GSG1L: variants seen among roughly 807,000 people sequenced by gnomAD.
GSG1L encodes the protein germ cell-specific gene 1-like protein.
GSG1L carries 24 observed loss-of-function variants against 42.1 expected under a neutral mutation model. The ratio of observed to expected loss-of-function variants is 0.57; its 90% CI spans 0.41 to 0.80. GSG1L has a LOEUF of 0.80. GSG1L is among the 30% of genes least tolerant of loss of function. The probability of loss-of-function intolerance (pLI) is 0.00; values close to 1 mark genes in which losing one functional copy is unlikely to be tolerated. For synonymous variants in GSG1L, 215 were observed against 203.5 expected, an observed-to-expected ratio of 1.06 and a Z score of -0.48; for missense variants, 445 against 472.2, an observed-to-expected ratio of 0.94 and a Z score of 0.53.
intron 1 of GSG1L, among the ~76,000 whole-genome samples, chr16:27,980,901 C>CAAAAAAA (rs11390148): frequency 1.3e-4 from 16 of 126,988 alleles, no homozygotes; most frequent in East Asian, 4.8e-4. Flanking sequence ...AACCAAAAAA[C>CAAAAAAA]AAAAAAAAAA....
At chr16:27,859,256 T>C (rs1033030338) in intron 3 of GSG1L, among the ~76,000 whole-genome samples, 9 of 152,198 alleles carry the variant, frequency 5.9e-5, no homozygotes, top group Non-Finnish European at 8.8e-5. Flanking sequence ...ACACTTCCCA[T>C]GATAGTGTCT....
chr16:28,016,581 G>T (rs1164437161), intron 1 of GSG1L, among the ~76,000 whole-genome samples: 1 of 152,158 alleles, frequency 6.6e-6, no homozygotes, highest in Non-Finnish European at 1.5e-5. Flanking sequence ...CGACTTTACA[G>T]ATCATGAGGT....
At chr16:27,796,735 A>T (rs1181876965) in intron 6 of GSG1L, among the ~76,000 whole-genome samples, 1 of 152,142 alleles carries the variant, frequency 6.6e-6, no homozygotes, top group Non-Finnish European at 1.5e-5. Context: ...ATCCTCAGGG[A>T]TTCCACGTTT....
At chr16:27,868,453 C>T (rs1170305971) in intron 3 of GSG1L, among the ~76,000 whole-genome samples, 2 of 152,250 alleles carry the variant, frequency 1.3e-5, no homozygotes, top group East Asian at 1.9e-4. Context: ...AAGGCCATTC[C>T]TCCAAGGCTA....
chr16:28,031,943 G>A (rs1480120390), intron 1 of GSG1L, among the ~76,000 whole-genome samples: 1 of 152,190 alleles, frequency 6.6e-6, no homozygotes, highest in African/African-American at 2.4e-5. Flanking sequence ...ATGCCCTGGG[G>A]CTCCAACAAG....
chr16:27,927,345 C>T (rs984381048), intron 2 of GSG1L, among the ~76,000 whole-genome samples: 2 of 151,946 alleles, frequency 1.3e-5, no homozygotes, highest in Admixed American at 1.3e-4. Flanking sequence ...CACGGTGTTG[C>T]CCAGGCTGGT....
chr16:28,002,385 C>A (rs1202053409), intron 1 of GSG1L, among the ~76,000 whole-genome samples: 2 of 152,244 alleles, frequency 1.3e-5, no homozygotes, highest in Middle Eastern at 3.4e-3. Flanking sequence ...CTATGGGAGA[C>A]CAACACGAGA....
intron 1 of GSG1L, among the ~76,000 whole-genome samples, chr16:27,982,437 C>T (rs146844263): frequency 1.4e-4 from 21 of 152,190 alleles, no homozygotes; most frequent in African/African-American, 3.1e-4. Flanking sequence ...TGTGTGTGTG[C>T]GTGAAGTGAG....
At chr16:27,793,755 T>G (rs1419742756) in intron 6 of GSG1L, among the ~76,000 whole-genome samples, 2 of 152,222 alleles carry the variant, frequency 1.3e-5, no homozygotes, top group African/African-American at 2.4e-5. Flanking sequence ...CCCTCCTCCC[T>G]TTCTCTGGCT....
intron 1 of GSG1L, among the ~76,000 whole-genome samples, chr16:28,050,720 C>T (rs141474510): frequency 2.6e-4 from 39 of 152,316 alleles, no homozygotes; most frequent in African/African-American, 7.2e-4. Context: ...CTTATGCTGT[C>T]AAGAGCCTAT....
intron 5 of GSG1L, among the ~76,000 whole-genome samples, chr16:27,825,531 AGTCATG>A (rs2083199261): frequency 6.6e-6 from 1 of 152,178 alleles, no homozygotes; most frequent in African/African-American, 2.4e-5. Context: ...AAAATTAGCC[AGTCATG>A]GTGGCACATG....
chr16:27,799,685 G>A (rs1156588547), intron 6 of GSG1L, among the ~76,000 whole-genome samples: 4 of 152,098 alleles, frequency 2.6e-5, no homozygotes, highest in African/African-American at 9.7e-5. Context: ...TGAAGGGGGC[G>A]GGCACCGAGC....
At chr16:27,802,047 C>G (rs1424979592) in intron 6 of GSG1L, among the ~76,000 whole-genome samples, 1 of 152,076 alleles carries the variant, frequency 6.6e-6, no homozygotes. Context: ...GCTAAGTCCC[C>G]CCTTCCTGCT....
At chr16:27,888,613 G>A (rs890390739) in intron 2 of GSG1L, among the ~76,000 whole-genome samples, 11 of 127,782 alleles carry the variant, frequency 8.6e-5, no homozygotes, top group East Asian at 6.7e-4. Flanking sequence ...CTCTCTCCCC[G>A]CCCCCCTTTC....
chr16:28,020,367 G>A (rs2085828482), intron 1 of GSG1L, among the ~76,000 whole-genome samples: 1 of 152,218 alleles, frequency 6.6e-6, no homozygotes, highest in Admixed American at 6.5e-5. Flanking sequence ...AAATTAAGCA[G>A]TAAAGTAATA....
At chr16:27,920,416 T>C (rs1205010009) in intron 2 of GSG1L, among the ~76,000 whole-genome samples, 1 of 152,186 alleles carries the variant, frequency 6.6e-6, no homozygotes, top group Admixed American at 6.5e-5. Context: ...GATGGAGAGT[T>C]TCCAGGAGTC....
intron 6 of GSG1L, among the ~76,000 whole-genome samples, chr16:27,804,375 C>T (rs943077092): frequency 6.6e-6 from 1 of 152,150 alleles, no homozygotes; most frequent in Non-Finnish European, 1.5e-5. Context: ...TTTGACTCCT[C>T]ACCCTTTAGG....
At chr16:27,848,556 T>A (rs1218707548) in intron 3 of GSG1L, among the ~76,000 whole-genome samples, 7 of 152,114 alleles carry the variant, frequency 4.6e-5, no homozygotes, top group Non-Finnish European at 1.0e-4. Flanking sequence ...TGGGGAGTGG[T>A]AGACTGGAAT....
chr16:27,907,159 C>A (rs1331325336), intron 2 of GSG1L, among the ~76,000 whole-genome samples: 1 of 152,196 alleles, frequency 6.6e-6, no homozygotes, highest in Non-Finnish European at 1.5e-5. Flanking sequence ...GGTCCCTTTC[C>A]ACTGGGAGTT....
Sources: allele counts gnomAD v4.1 joint callset (sites outside exome capture counted in the v4.1 genomes callset), GRCh38; gene constraint gnomAD v4.1.1; transcripts MANE v1.5; gene names NCBI Gene and HGNC (gene_info 2026-07-23, HGNC 2026-07-21).